The following ASB7 variants were observed in gnomAD, a reference collection of about 807,000 sequenced individuals.
ASB7 encodes ankyrin repeat and SOCS box containing 7.
Under a neutral mutation model 32.5 loss-of-function variants are expected in ASB7, and 4 were observed. The observed-to-expected ratio is 0.12, with a 90% CI of 0.06 to 0.28. The LOEUF (loss-of-function observed/expected upper bound fraction) is 0.28, where lower values mean the gene tolerates loss of function less well. Ranked by LOEUF, ASB7 falls within the 10% of genes least tolerant of loss-of-function variation. ASB7 has a pLI of 1.00. For missense variants in ASB7, 181 were observed against 407.1 expected (o/e 0.44, Z 4.78); for synonymous variants, 172 against 155.6 (o/e 1.11, Z -0.78).
chr15:100,624,234 A>G (rs968038827), intron 4 of ASB7, among the ~76,000 whole-genome samples: 21 of 152,210 alleles, frequency 1.4e-4, no homozygotes, highest in African/African-American at 5.1e-4. Flanking sequence ...CTGACGTTCA[A>G]TAGCAGAATA....
intron 5 of ASB7, among the ~76,000 whole-genome samples, chr15:100,633,280 A>G (rs1183936363): frequency 6.6e-6 from 1 of 151,564 alleles, no homozygotes; most frequent in African/African-American, 2.4e-5. Flanking sequence ...GATGTCAAGT[A>G]GAAATGGTAG....
rs987786289 is a variant in ASB7 at position 100,651,542 on chromosome 15, T to A, written c.*3080T>A. The A allele has an allele frequency of 1.3e-5, 2 of 152,202 alleles. No homozygotes were observed. The highest frequency in any genetic ancestry group is 2.9e-5 in the Non-Finnish European group (2 of 68,040). 9.4% of individuals were successfully genotyped at this position (152,202 alleles called of 1,614,324 possible). On this transcript the variant is annotated 3_prime_UTR_variant, in exon 6 of 6. Transcript: ENST00000332783. The stretch of plus-strand genomic sequence containing the variant: ...GATTCTAACTTTCCTGCAGGAGTGC[T>A]CATGAGCCCAGAATGTGATTGGGAT...
At chr15:100,618,177 C>T (rs1359533407) in intron 4 of ASB7, among the ~76,000 whole-genome samples, 2 of 152,094 alleles carry the variant, frequency 1.3e-5, no homozygotes, top group African/African-American at 2.4e-5. Flanking sequence ...AGTGCAGTGG[C>T]GTGATCTCAT....
At chr15:100,607,151 CAA>C (rs35799567) in intron 2 of ASB7, among the ~76,000 whole-genome samples, 14 of 126,686 alleles carry the variant, frequency 1.1e-4, no homozygotes, top group Admixed American at 1.6e-4. Flanking sequence ...GCCTCCGTCT[CAA>C]AAAAAAAAAA....
rs1278552355 is a variant in ASB7, at chr15:100,650,541, T to A, written c.*2079T>A. On this transcript the variant is annotated 3_prime_UTR_variant, in exon 6 of 6. Coordinates refer to ENST00000332783, the MANE Select transcript of ASB7 (RefSeq NM_198243.3). ...GGCTGATTTCCACGTATGTGTGTGT[T>A]AATTTATTCACTTAGTTTCAAAAGA... 1.3e-5 allele frequency: 2 copies of A among 152,222 alleles called. No homozygotes were observed. Among genetic ancestry groups the A allele is most frequent in the Non-Finnish European group, 1.5e-5 (1 of 68,038 alleles). 9.4% of individuals were successfully genotyped at this position (152,222 alleles called of 1,614,324 possible).
intron 4 of ASB7, among the ~76,000 whole-genome samples, chr15:100,624,322 T>C (rs2039818853): frequency 6.6e-6 from 1 of 152,214 alleles, no homozygotes; most frequent in African/African-American, 2.4e-5. Flanking sequence ...TCTCAGCTCA[T>C]AGAAGTGATA....
chr15:100,647,561 A>G (rs895444995), intron 5 of ASB7, among the ~76,000 whole-genome samples: 5 of 152,232 alleles, frequency 3.3e-5, no homozygotes, highest in Admixed American at 6.5e-5. Flanking sequence ...AGGGAAAGAA[A>G]TAGGATTTTG....
chr15:100,617,675 T>C (rs946909482), intron 4 of ASB7, among the ~76,000 whole-genome samples: 2 of 152,364 alleles, frequency 1.3e-5, no homozygotes, highest in Admixed American at 6.5e-5. Flanking sequence ...TTATATGATA[T>C]TATTGTTCCC....
rs539464486 is a variant in ASB7 at position 100,641,710 on chromosome 15, G to A, written c.818-6613G>A. Among the ~76,000 whole-genome samples, 33 of 152,320 alleles carry A rather than the reference G, an allele frequency of 2.2e-4. No individual in the cohort carries two copies. In the South Asian group the frequency reaches 5.2e-3, roughly 24 times the overall value. On this transcript the variant is annotated intron_variant, in intron 5 of 5. Transcript: ENST00000332783. ...AGTTTTCTTACTGTCCTGACACCAG[G>A]AAGGTGGAGACTCCAGCTTCCAAAG...
intron 4 of ASB7, among the ~76,000 whole-genome samples, chr15:100,619,223 CAG>C (rs995799627): frequency 1.1e-4 from 16 of 152,146 alleles, no homozygotes; most frequent in Non-Finnish European, 1.8e-4. Flanking sequence ...TACTCCAACT[CAG>C]GGGGCACTGC....
chr15:100,603,317 ATG>A lies in ASB7; in HGVS notation c.-174+5_-174+6del, dbSNP rs781090384. 7.6e-5 allele frequency: 20 copies of A among 263,024 alleles called. No individual in the cohort carries two copies. The highest frequency in any genetic ancestry group is 1.4e-4 in the Non-Finnish European group (19 of 139,760). 16.3% of individuals were successfully genotyped at this position (263,024 alleles called of 1,614,324 possible). A position where few individuals can be genotyped will look rare whatever the true frequency, so the allele number is the denominator to read the frequency against. On this transcript the variant is annotated splice_donor_5th_base_variant and intron_variant, in intron 2 of 5. Coordinates refer to ENST00000332783, the MANE Select transcript of ASB7 (RefSeq NM_198243.3). ...CTGACCAGCATCGTCTGTAAAGGTA[ATG>A]AGCCAGCCCTCCCCTCCCCCGTTGT...
At chr15:100,642,342 T>G (rs2039967287) in intron 5 of ASB7, among the ~76,000 whole-genome samples, 1 of 152,222 alleles carries the variant, frequency 6.6e-6, no homozygotes, top group Non-Finnish European at 1.5e-5. Context: ...TTAACGGTAT[T>G]CTGCCTGAGG....
intron 4 of ASB7, among the ~76,000 whole-genome samples, chr15:100,625,084 CA>C (rs1302895852): frequency 6.6e-6 from 1 of 152,052 alleles, no homozygotes; most frequent in Non-Finnish European, 1.5e-5. Flanking sequence ...GATGGGAAAC[CA>C]GAAGCAGAAG....
chr15:100,612,640 A>G, intron 4 of ASB7: 2 of 584,498 alleles, frequency 3.4e-6, no homozygotes, highest in East Asian at 5.9e-5. Flanking sequence ...CTTTTCCCTG[A>G]AACTGTAGTG....
chr15:100,648,745 T>A lies in ASB7; in HGVS notation c.*283T>A. The A allele has an allele frequency of 4.4e-6, 1 of 225,878 alleles. No individual in the cohort carries two copies. Among genetic ancestry groups the A allele is most frequent in the Non-Finnish European group, 8.5e-6 (1 of 117,086 alleles). 14.0% of individuals were successfully genotyped at this position (225,878 alleles called of 1,614,324 possible). On this transcript the variant is annotated 3_prime_UTR_variant, in exon 6 of 6. Transcript: ENST00000332783. ...TATACAATACTGCATTTAGAAAAAT[T>A]GTCTTTTCTTAAATGACACAAGCAG...
At chr15:100,637,988 T>C (rs1017118171) in intron 5 of ASB7, among the ~76,000 whole-genome samples, 1 of 150,512 alleles carries the variant, frequency 6.6e-6, no homozygotes, top group Non-Finnish European at 1.5e-5. Context: ...TTTATTTCAA[T>C]TGATTGTGGA....
At chr15:100,644,831 T>G (rs2039986836) in intron 5 of ASB7, among the ~76,000 whole-genome samples, 1 of 152,194 alleles carries the variant, frequency 6.6e-6, no homozygotes, top group Non-Finnish European at 1.5e-5. Context: ...CACATGAGTG[T>G]GTGTGTGTCA....
Position 100,629,195 on chromosome 15 carries a change from T to C in ASB7, c.212-242T>C. On this transcript the variant is annotated intron_variant, in intron 4 of 5. Coordinates refer to ENST00000332783, the MANE Select transcript of ASB7 (RefSeq NM_198243.3). The surrounding 1 kb of genome is among the most constrained non-coding windows in gnomAD (Gnocchi z 6.8). ...ATCTGTACTCCGTGTTTTTTGTGTA[T>C]ATCTTTTTAAACACTTTGTCTTTCT... Among the ~76,000 whole-genome samples the C allele has an allele frequency of 6.6e-6, 1 of 152,244 alleles. No individual in the cohort carries two copies. Among genetic ancestry groups the C allele is most frequent in the East Asian group, 1.9e-4 (1 of 5,206 alleles).
At position 100,648,655 on chromosome 15, in the gene ASB7, A is replaced by AT; in HGVS notation, c.*193_*194insT. The AT allele has an allele frequency of 2.1e-6, 1 of 466,666 alleles. No homozygotes were observed. Among genetic ancestry groups the AT allele is most frequent in the Non-Finnish European group, 3.8e-6 (1 of 266,052 alleles). 28.9% of individuals were successfully genotyped at this position (466,666 alleles called of 1,614,324 possible). On this transcript the variant is annotated 3_prime_UTR_variant, in exon 6 of 6. Transcript: ENST00000332783. ...GGATTTTTTATATATATATAAAAAC[A>AT]CACACCACATGCTTGAAGGTCTTAA...
Sources: gnomAD v4.1 joint callset for allele counts (sites outside exome capture counted in the v4.1 genomes callset) on GRCh38, gnomAD v4.1.1 for gene constraint, Gnocchi (gnomAD v3.1) non-coding constraint, MANE v1.5 for transcripts, NCBI Gene and HGNC (gene_info 2026-07-23, HGNC 2026-07-21) for gene names.